GABRB1: variants seen among roughly 807,000 people sequenced by gnomAD.
The protein encoded by GABRB1 is gamma-aminobutyric acid type A receptor subunit beta1, also known as gamma-aminobutyric acid receptor subunit beta-1.
In GABRB1, 17 loss-of-function variants were observed where a neutral mutation model predicts 51.6. That is an observed-to-expected ratio of 0.33 (90% CI 0.23 to 0.49). GABRB1 has a LOEUF of 0.49. Among genes scored for constraint, GABRB1 ranks in the 20% least tolerant of loss-of-function variants. The pLI, the probability that GABRB1 is intolerant of heterozygous loss-of-function variation, is 0.99. For missense variants in GABRB1, 410 were observed against 600.6 expected, an observed-to-expected ratio of 0.68 and a Z score of 3.32; for synonymous variants, 247 against 218.9, an observed-to-expected ratio of 1.13 and a Z score of -1.14.
chr4:47,254,272 C>A (rs1231123594), intron 4 of GABRB1, among the ~76,000 whole-genome samples: 1 of 151,728 alleles, frequency 6.6e-6, no homozygotes, highest in African/African-American at 2.4e-5. Context: ...GTCCCCACCC[C>A]ATTAAATACT....
chr4:47,148,460 C>A (rs1484537653), intron 3 of GABRB1, among the ~76,000 whole-genome samples: 5 of 152,054 alleles, frequency 3.3e-5, no homozygotes, highest in Non-Finnish European at 5.9e-5. Context: ...AGCCTCTAAG[C>A]ACATAACAAT....
At chr4:47,196,074 C>T (rs1345396895) in intron 4 of GABRB1, among the ~76,000 whole-genome samples, 2 of 152,218 alleles carry the variant, frequency 1.3e-5, no homozygotes, top group Admixed American at 1.3e-4. Context: ...AATGCCTATA[C>T]ATTCACCAAA....
intron 1 of GABRB1, among the ~76,000 whole-genome samples, chr4:47,007,104 C>T (rs1724425333): frequency 6.6e-6 from 1 of 150,732 alleles, no homozygotes; most frequent in Non-Finnish European, 1.5e-5. Context: ...CGTGCCACTG[C>T]ACTCCAGTCT....
intron 4 of GABRB1, among the ~76,000 whole-genome samples, chr4:47,298,965 G>C (rs370785369): frequency 2.6e-5 from 4 of 151,626 alleles, no homozygotes; most frequent in Admixed American, 6.6e-5. Context: ...CTTTGACAAA[G>C]CTGAGAAAAA....
rs376799556 is a variant in GABRB1, at chr4:47,388,679, G to C, written c.545-14639G>C. 3.3e-4 allele frequency among the ~76,000 whole-genome samples: 50 copies of C among 152,256 alleles called. 1 individual carries two copies. The highest frequency in any genetic ancestry group is 1.1e-3 in the African/African-American group (45 of 41,548). ...ACAGATAACCCAAAAAGTGGTAAAA[G>C]AAACAAGGTAGACATGACTACCCCT... On this transcript the variant is annotated intron_variant, in intron 5 of 8. Transcript: ENST00000295454.
intron 3 of GABRB1, among the ~76,000 whole-genome samples, chr4:47,058,120 T>G (rs1398224727): frequency 6.6e-6 from 1 of 152,116 alleles, no homozygotes; most frequent in African/African-American, 2.4e-5. Context: ...AAACATAATT[T>G]TATATAGCCT....
intron 1 of GABRB1, among the ~76,000 whole-genome samples, chr4:47,014,460 A>T (rs1483546081): frequency 1.3e-5 from 2 of 151,862 alleles, no homozygotes; most frequent in South Asian, 2.1e-4. Context: ...TATAAAGCAA[A>T]TTTTTTTTCC....
At chr4:47,333,188 TTTTATTTATATATATATATA>T (rs1725552729) in intron 5 of GABRB1, among the ~76,000 whole-genome samples, 2 of 64,860 alleles carry the variant, frequency 3.1e-5, no homozygotes, top group Non-Finnish European at 6.1e-5. Context: ...TTAAAACCCA[TTTTATTTATATATATATATA>T]TATATATATA....
At chr4:47,158,734 T>C (rs1056112238) in intron 3 of GABRB1, among the ~76,000 whole-genome samples, 1 of 152,084 alleles carries the variant, frequency 6.6e-6, no homozygotes, top group African/African-American at 2.4e-5. Context: ...CAGACAATTG[T>C]TTATTTTCAT....
intron 5 of GABRB1, among the ~76,000 whole-genome samples, chr4:47,339,065 T>C (rs758485910): frequency 6.6e-6 from 1 of 152,204 alleles, no homozygotes; most frequent in Non-Finnish European, 1.5e-5. Flanking sequence ...TTACCATGTG[T>C]CATGAACTAT....
chr4:47,140,263 C>T (rs1386817744), intron 3 of GABRB1, among the ~76,000 whole-genome samples: 2 of 151,912 alleles, frequency 1.3e-5, no homozygotes, highest in Non-Finnish European at 1.5e-5. Flanking sequence ...CTTTTTCATA[C>T]ATAATTTCTC....
At chr4:47,280,474 T>TTA (rs1467179301) in intron 4 of GABRB1, among the ~76,000 whole-genome samples, 5 of 150,634 alleles carry the variant, frequency 3.3e-5, no homozygotes, top group South Asian at 4.2e-4. Flanking sequence ...ACCAGTGATT[T>TTA]TATATATATA....
chr4:47,424,659 A>G (rs1409783413), intron 8 of GABRB1, among the ~76,000 whole-genome samples: 1 of 152,202 alleles, frequency 6.6e-6, no homozygotes, highest in Non-Finnish European at 1.5e-5. Flanking sequence ...GCTAATACAC[A>G]TGTTAGCACA....
intron 5 of GABRB1, among the ~76,000 whole-genome samples, chr4:47,372,204 C>T (rs556854832): frequency 1.3e-4 from 20 of 152,266 alleles, no homozygotes; most frequent in African/African-American, 4.3e-4. Context: ...ATCCTTTCCC[C>T]ATTGCTTGTT....
intron 5 of GABRB1, among the ~76,000 whole-genome samples, chr4:47,391,571 G>T (rs1727992888): frequency 6.6e-6 from 1 of 152,166 alleles, no homozygotes; most frequent in Non-Finnish European, 1.5e-5. Flanking sequence ...TGAGGTTGTA[G>T]TCCATCACTT....
intron 5 of GABRB1, among the ~76,000 whole-genome samples, chr4:47,339,664 C>T (rs760204531): frequency 1.3e-5 from 2 of 151,674 alleles, no homozygotes; most frequent in Non-Finnish European, 2.9e-5. Flanking sequence ...AGTCACCAAG[C>T]CCAGGAGAAG....
chr4:47,098,804 C>T (rs915059349), intron 3 of GABRB1, among the ~76,000 whole-genome samples: 1 of 152,006 alleles, frequency 6.6e-6, no homozygotes, highest in African/African-American at 2.4e-5. Flanking sequence ...TGATGTCAAT[C>T]CAGAGTTTTG....
At chr4:47,123,570 CATTATTTCATATATTATAAT>C (rs1715918470) in intron 3 of GABRB1, among the ~76,000 whole-genome samples, 1 of 55,410 alleles carries the variant, frequency 1.8e-5, no homozygotes, top group Non-Finnish European at 3.0e-5. Flanking sequence ...TAATATATTA[CATTATTTCATATATTATAAT>C]ATATTACATT....
chr4:47,315,974 C>T (rs1020251318), intron 4 of GABRB1, among the ~76,000 whole-genome samples: 3 of 151,702 alleles, frequency 2.0e-5, no homozygotes, highest in African/African-American at 7.3e-5. Flanking sequence ...GTCTGTACAC[C>T]AAATCCCTGT....
Sources: allele counts gnomAD v4.1 joint callset (sites outside exome capture counted in the v4.1 genomes callset), GRCh38; gene constraint gnomAD v4.1.1; transcripts MANE v1.5; gene names NCBI Gene and HGNC (gene_info 2026-07-23, HGNC 2026-07-21).